TTN: variants seen among roughly 807,000 people sequenced by gnomAD.
The protein encoded by TTN is titin.
In TTN, 1,525 loss-of-function variants were observed where a neutral mutation model predicts 3,223.0. That is an observed-to-expected ratio of 0.47 (90% CI 0.45 to 0.49). The LOEUF is 0.49. TTN is among the 20% of genes least tolerant of loss of function. The pLI, the probability that TTN is intolerant of heterozygous loss-of-function variation, is 0.00. For missense variants in TTN, 40,786 were observed against 43,424.0 expected, an observed-to-expected ratio of 0.94 and a Z score of 5.40; for synonymous variants, 14,094 against 15,161.0, an observed-to-expected ratio of 0.93 and a Z score of 5.17.
chr2:178,570,686 T>A lies in TTN; in HGVS notation c.75446A>T (p.Asp25149Val). 1 of 1,613,538 alleles carries A rather than the reference T, an allele frequency of 6.2e-7. No homozygotes were observed. Among genetic ancestry groups the A allele is most frequent in the Non-Finnish European group, 8.5e-7 (1 of 1,179,592 alleles). Residue 25149 changes from aspartate (D) to valine (V), a missense_variant, in exon 326 of 363, where the codon GAT (aspartate) becomes GTT (valine). Transcript: ENST00000589042. Reference protein sequence around the residue: ...PIPTIQWIKGDQELSNTARLE... With the variant: ...PIPTIQWIKGVQELSNTARLE... ...TCGAGCTGTGTTTGAAAGCTCCTGA[T>A]CACCTTTTATCCACTGAATGGTTGG...
chr2:178,593,007 T>A lies in TTN; in HGVS notation c.59112A>T (p.Pro19704=). The change falls in exon 300 of 363, where the codon CCA becomes CCT. Residue 19704 remains proline (P), a synonymous_variant. Transcript: ENST00000589042. ...GAATCTTGCTCCCACCATCATGACG[T>A]GGTGGCTGCCAAGTTAGATCGACTG... ...CNSVDLTWQP[P]RHDGGSKILG... is the part of the protein sequence containing the mutation. 1 of 1,613,480 alleles carries A rather than the reference T, an allele frequency of 6.2e-7. No homozygotes were observed. Among genetic ancestry groups the A allele is most frequent in the Non-Finnish European group, 8.5e-7 (1 of 1,179,632 alleles).
Position 178,632,280 on chromosome 2 carries a change from G to A in TTN, c.43614C>T (p.Thr14538=), listed in dbSNP as rs756533556. 5 of 1,610,012 alleles carry A rather than the reference G, an allele frequency of 3.1e-6. No homozygotes were observed. The South Asian group carries it at 5.5e-5, about 18-fold the overall frequency. ...CGTCTTGCATTGAGACCGACCTGGT[G>A]GTGTGTAGGCGCTGGTCATTCTTGA... The part of the protein sequence containing the change: ...KWFKNDQRLH[T]TRSVSMQDEG... The change falls in exon 236 of 363, where the codon ACC becomes ACT. Residue 14538 remains threonine (T), a synonymous_variant. Transcript: ENST00000589042.
At chr2:178,617,293 T>C (rs2057524330) in intron 254 of TTN, 32 bp downstream of exon 254, 2 of 1,543,388 alleles carry the variant, frequency 1.3e-6, no homozygotes, top group African/African-American at 1.4e-5. Flanking sequence ...TGATCCACAT[T>C]GAATATTCTT....
intron 265 of TTN, 49 bp downstream of exon 265, chr2:178,612,724 G>C: frequency 6.4e-6 from 10 of 1,566,966 alleles, no homozygotes; most frequent in Non-Finnish European, 8.6e-6. Flanking sequence ...GTAGCTCACA[G>C]GCAGATATTA....
Position 178,714,916 on chromosome 2 carries a change from G to T in TTN, c.26200+70C>A. 5 of 1,535,994 alleles carry T rather than the reference G, an allele frequency of 3.3e-6. No homozygotes were observed. In the South Asian group the frequency reaches 6.5e-5, roughly 20 times the overall value. On this transcript the variant is annotated intron_variant, in intron 90 of 362. Transcript: ENST00000589042. ...CTGCTAGTGATAAGACTGGGCTGGGGTGGAGGGGGCAACAGAGTATTACAA... is the reference window on the plus strand; with the variant it reads ...CTGCTAGTGATAAGACTGGGCTGGGTTGGAGGGGGCAACAGAGTATTACAA...
In TTN at chr2:178,753,355, A is replaced by G. The variant is rs965473647; in HGVS notation, c.11255-175T>C. The stretch of plus-strand genomic sequence containing the variant: ...AACTATTGAGCTGATAAAACACATG[A>G]CAATGTTGACAGAAAGATTTAAAAC... On this transcript the variant is annotated intron_variant, in intron 46 of 362. Coordinates refer to ENST00000589042, the MANE Select transcript of TTN (RefSeq NM_001267550.2). 1.4e-5 allele frequency: 7 copies of G among 507,996 alleles called. No homozygotes were observed. In the Middle Eastern group the frequency reaches 2.1e-3, roughly 150 times the overall value. The allele number at this position is 507,996 out of a possible 1,614,324, so 31.5% of individuals were successfully genotyped here.
chr2:178,804,502 G>A, intron 2 of TTN, 50 bp downstream of exon 2: 3 of 1,512,910 alleles, frequency 2.0e-6, no homozygotes, highest in South Asian at 1.2e-5. Flanking sequence ...TTAACTTACT[G>A]GAGAGGAGGC....
Position 178,768,134 on chromosome 2 carries a change from T to C in TTN, c.9185A>G (p.Lys3062Arg), listed in dbSNP as rs769821924. ...YVEARHIEFR[K>R]HIKDIKVLEK... ...CAGTACCTTAATGTCCTTAATGTGT[T>C]TCCTAAATTCTATATGACGAGCTGG... is the stretch of plus-strand genomic sequence containing the variant. Residue 3062 changes from lysine (K) to arginine (R), a missense_variant, in exon 39 of 363, where the codon AAA becomes AGA. Lys to Arg is a conservative substitution (Grantham distance 26). Coordinates refer to ENST00000589042, the MANE Select transcript of TTN (RefSeq NM_001267550.2). 2.9e-5 allele frequency: 46 copies of C among 1,613,968 alleles called. No homozygotes were observed. Among genetic ancestry groups the C allele is most frequent in the Non-Finnish European group, 3.8e-5 (45 of 1,180,010 alleles).
chr2:178,642,360 A>C, intron 218 of TTN, 43 bp from the exon 219 acceptor site: 1 of 1,519,528 alleles, frequency 6.6e-7, no homozygotes, highest in Non-Finnish European at 8.9e-7. Context: ...AATTTATATA[A>C]AAACGGAATT....
At position 178,728,576 on chromosome 2, in the gene TTN, C is replaced by T; in HGVS notation, c.19350G>A (p.Gln6450=). The change falls in exon 66 of 363, where the codon CAG becomes CAA. Residue 6450 remains glutamine, a synonymous_variant. Transcript: ENST00000589042. ...CCTTGAAAGTGTACTGACCGCTGTC[C>T]TGCTTCATTACTGACTGAATTCTAA... ...ASFRIQSVMK[Q]DSGQYTFKVE... is the part of the protein sequence containing the mutation. 6 of 1,613,206 alleles carry T rather than the reference C, an allele frequency of 3.7e-6. No individual in the cohort carries two copies. Among genetic ancestry groups the T allele is most frequent in the Non-Finnish European group, 5.1e-6 (6 of 1,179,508 alleles).
In TTN at chr2:178,537,925, A is replaced by G. The variant is rs1692344764; in HGVS notation, c.99290-8T>C. The G allele has an allele frequency of 1.3e-6, 2 of 1,588,026 alleles. No individual in the cohort carries two copies. The highest frequency in any genetic ancestry group is 1.7e-6 in the Non-Finnish European group (2 of 1,165,626). On this transcript the variant is annotated splice_polypyrimidine_tract_variant and splice_region_variant and intron_variant, in intron 354 of 362. Coordinates refer to ENST00000589042, the MANE Select transcript of TTN (RefSeq NM_001267550.2). ...TTCCTGGGGCCTCTCCAGCTGAACA[A>G]TATGAAAGATAATATTAAGTGACTG...
At position 178,731,213 on chromosome 2, in the gene TTN, A is replaced by G. The variant is rs2080421482; in HGVS notation, c.17462-10T>C. The G allele has an allele frequency of 6.2e-7, 1 of 1,611,982 alleles. No individual in the cohort carries two copies. Among genetic ancestry groups the G allele is most frequent in the African/African-American group, 1.3e-5 (1 of 74,796 alleles). ...GTGATTGTTGCAGGTTCTGTAGAAA[A>G]CAAAGGGATAGATGTGGGTTGTGCA... On this transcript the variant is annotated splice_polypyrimidine_tract_variant and intron_variant, in intron 59 of 362. Transcript: ENST00000589042.
intron 250 of TTN, chr2:178,619,381 C>T (rs1324046829): frequency 3.6e-6 from 2 of 552,304 alleles, no homozygotes; most frequent in African/African-American, 3.9e-5. Flanking sequence ...AGCCTAAGTT[C>T]ATAAATAGTC....
At position 178,642,239 on chromosome 2, in the gene TTN, C is replaced by A; in HGVS notation, c.40556G>T (p.Ser13519Ile). The change falls in exon 219 of 363, where the codon AGC becomes ATC. Residue 13519 changes from serine to isoleucine, a missense_variant and splice_region_variant. Physicochemically the swap from Ser to Ile is moderately radical, Grantham distance 142 (BLOSUM62 -2). Coordinates refer to ENST00000589042, the MANE Select transcript of TTN (RefSeq NM_001267550.2). The stretch of plus-strand genomic sequence containing the variant: ...AGAATGGTTGAAAAATACTATACCG[C>A]TTTTCAGAACAACTTCTTCCTTTGG... ...PEPKEEVVLK[S>I]VLRKRPEEEE... The A allele has an allele frequency of 6.3e-7, 1 of 1,582,388 alleles. No individual in the cohort carries two copies. The highest frequency in any genetic ancestry group is 8.6e-7 in the Non-Finnish European group (1 of 1,162,756).
At chr2:178,626,711 C>T (rs962655651) in intron 240 of TTN, among the ~76,000 whole-genome samples, 10 of 151,838 alleles carry the variant, frequency 6.6e-5, no homozygotes, top group Admixed American at 6.6e-4. Flanking sequence ...AACAGAGCTA[C>T]TTATCCGAGG....
intron 44 of TTN, among the ~76,000 whole-genome samples, chr2:178,758,396 T>C (rs2087956517): frequency 1.3e-5 from 2 of 152,224 alleles, no homozygotes; most frequent in Admixed American, 1.3e-4. Context: ...ATGCTATCCT[T>C]GTTTGAATCA....
chr2:178,789,017 T>C (rs1276480230), intron 13 of TTN, among the ~76,000 whole-genome samples: 2 of 152,124 alleles, frequency 1.3e-5, no homozygotes, highest in South Asian at 4.1e-4. Context: ...AGTCATCATT[T>C]ACTTATACAT....
intron 47 of TTN, chr2:178,746,968 TG>T: frequency 6.2e-7 from 1 of 1,613,508 alleles, no homozygotes; most frequent in Non-Finnish European, 8.5e-7. Context: ...AATGCTCATT[TG>T]GTGTACCGTC....
At position 178,574,033 on chromosome 2, in the gene TTN, A is replaced by G; in HGVS notation, c.72099T>C (p.Val24033=). Residue 24033 remains valine, a synonymous_variant, in exon 326 of 363, where the codon GTT becomes GTC. Transcript: ENST00000589042. ...TTAATATAACCGTGTCCTTAAATTT[A>G]ACATCCACCTTTATCTTTGGTGCCT... The part of the protein sequence containing the change: ...DVEAPKIKVD[V]KFKDTVILKA... The G allele has an allele frequency of 6.2e-7, 1 of 1,613,460 alleles. No homozygotes were observed. Among genetic ancestry groups the G allele is most frequent in the Non-Finnish European group, 8.5e-7 (1 of 1,179,600 alleles).
Sources: gnomAD v4.1 joint callset for allele counts (sites outside exome capture counted in the v4.1 genomes callset) on GRCh38, gnomAD v4.1.1 for gene constraint, MANE v1.5 for transcripts, NCBI Gene and HGNC (gene_info 2026-07-23, HGNC 2026-07-21) for gene names.